RYR3: variants seen among roughly 807,000 people sequenced by gnomAD.
RYR3 encodes the protein ryanodine receptor 3, also known as brain ryanodine receptor-calcium release channel.
RYR3 carries 207 observed loss-of-function variants against 584.3 expected under a neutral mutation model. The ratio of observed to expected loss-of-function variants is 0.35; its 90% confidence interval spans 0.32 to 0.40. The LOEUF (loss-of-function observed/expected upper bound fraction) is 0.40. Among genes scored for constraint, RYR3 ranks in the 10% least tolerant of loss-of-function variants. The probability of loss-of-function intolerance (pLI) is 1.00; values close to 1 mark genes in which losing one functional copy is unlikely to be tolerated. For missense variants in RYR3, 5,616 were observed against 6,089.2 expected (o/e 0.92, Z 2.59); for synonymous variants, 2,416 against 2,248.5 (o/e 1.07, Z -2.11).
At chr15:33,810,946 C>T (rs1342561461) in intron 71 of RYR3, 32 bp from the exon 72 acceptor site, 1 of 1,578,342 alleles carries the variant, frequency 6.3e-7, no homozygotes, top group Non-Finnish European at 8.6e-7. Flanking sequence ...ATGGTGATCT[C>T]CGGGAATAAA....
intron 1 of RYR3, among the ~76,000 whole-genome samples, chr15:33,403,119 G>C (rs1357118065): frequency 6.6e-6 from 1 of 152,218 alleles, no homozygotes; most frequent in Admixed American, 6.5e-5. Flanking sequence ...TATTGGACAT[G>C]AGGAATCTTA....
intron 38 of RYR3, among the ~76,000 whole-genome samples, chr15:33,687,292 A>T (rs938008374): frequency 6.6e-6 from 1 of 152,250 alleles, no homozygotes; most frequent in Non-Finnish European, 1.5e-5. Flanking sequence ...CAGCCAAATC[A>T]TGAGTGAACT....
chr15:33,418,301 CT>C (rs1360799604), intron 1 of RYR3, among the ~76,000 whole-genome samples: 5 of 149,866 alleles, frequency 3.3e-5, no homozygotes, highest in South Asian at 4.3e-4. Flanking sequence ...GCAAATCCAT[CT>C]GGTCCAGGGC....
In RYR3 at chr15:33,813,490, G is replaced by A. The variant is rs1224148998; in HGVS notation, c.10413G>A (p.Lys3471=). ...AGGTGGAACAGCCTTTGAGGTCCAA[G>A]AAGGCCGTCTGGCACAAACTGTTAT... ...LEQVEQPLRS[K]KAVWHKLLSK... is the part of the protein sequence containing the mutation. Residue 3471 remains lysine, a synonymous_variant, in exon 74 of 104, where the codon AAG becomes AAA. Coordinates refer to ENST00000634891, the MANE Select transcript of RYR3 (RefSeq NM_001036.6). 28 of 1,613,784 alleles carry A rather than the reference G, an allele frequency of 1.7e-5. No individual in the cohort carries two copies. Among genetic ancestry groups the A allele is most frequent in the Non-Finnish European group, 2.3e-5 (27 of 1,179,892 alleles).
At chr15:33,561,711 G>A (rs1296318566) in intron 10 of RYR3, among the ~76,000 whole-genome samples, 1 of 121,650 alleles carries the variant, frequency 8.2e-6, no homozygotes, top group East Asian at 2.2e-4. Context: ...CCCTGTCTCT[G>A]CAAAACACAA....
chr15:33,574,543 T>C (rs2058196762), intron 12 of RYR3, among the ~76,000 whole-genome samples: 1 of 152,170 alleles, frequency 6.6e-6, no homozygotes. Context: ...GAATACACAC[T>C]GATGTGCCTC....
intron 4 of RYR3, 113 bp from the exon 5 acceptor site, chr15:33,533,198 G>GAGCTGTCTTCACAGT: frequency 1.5e-6 from 1 of 677,078 alleles, no homozygotes; most frequent in Non-Finnish European, 2.7e-6. Flanking sequence ...AAGATAAATA[G>GAGCTGTCTTCACAGT]AGCTGTCTTC....
chr15:33,587,447 T>C (rs1197280486), intron 16 of RYR3, among the ~76,000 whole-genome samples: 1 of 152,218 alleles, frequency 6.6e-6, no homozygotes, highest in Non-Finnish European at 1.5e-5. Flanking sequence ...CCAACTTTGT[T>C]GTGGCTTCTT....
At chr15:33,360,605 G>A (rs1166586693) in intron 1 of RYR3, among the ~76,000 whole-genome samples, 2 of 152,152 alleles carry the variant, frequency 1.3e-5, no homozygotes, top group Non-Finnish European at 2.9e-5. Context: ...TCTTCCTGAA[G>A]ACACACATTT....
rs571327048 is a variant in RYR3, at chr15:33,622,087, A to G, written c.2358-1720A>G. Among the ~76,000 whole-genome samples the G allele has an allele frequency of 4.6e-5, 7 of 152,300 alleles. No individual in the cohort carries two copies. The South Asian group carries it at 1.5e-3, about 32-fold the overall frequency. ...TCCAACCCACCATTATCTCCCTCTG[A>G]CTATTTCAAGAGTCTCCCAATTGGT... On this transcript the variant is annotated intron_variant, in intron 19 of 103. Coordinates refer to ENST00000634891, the MANE Select transcript of RYR3 (RefSeq NM_001036.6).
Position 33,311,136 on chromosome 15 carries a change from G to T in RYR3, c.51+40G>T. 6.8e-7 allele frequency: 1 copy of T among 1,480,220 alleles called. No homozygotes were observed. 91.7% of individuals were successfully genotyped at this position (1,480,220 alleles called of 1,614,324 possible). On this transcript the variant is annotated intron_variant, in intron 1 of 103. Coordinates refer to ENST00000634891, the MANE Select transcript of RYR3 (RefSeq NM_001036.6). This position sits in a 1 kb window ranked among gnomAD's most constrained non-coding sequence, Gnocchi z 4.4. ...CGGGGGCGAGGCCGTGGGCAGGTGG[G>T]GAGGAGCGCGGAGCGCGGCGAGGAG...
chr15:33,816,323 C>T (rs2076810227), intron 74 of RYR3, among the ~76,000 whole-genome samples: 1 of 152,188 alleles, frequency 6.6e-6, no homozygotes, highest in Admixed American at 6.5e-5. Context: ...GAAAATATGC[C>T]AACGACGTAA....
intron 3 of RYR3, among the ~76,000 whole-genome samples, chr15:33,519,805 C>G (rs925989426): frequency 4.3e-4 from 66 of 152,244 alleles, no homozygotes; most frequent in African/African-American, 1.6e-3. Context: ...AGCATCCGTT[C>G]TGTCTATCCC....
At chr15:33,742,501 T>C in intron 52 of RYR3, 57 bp downstream of exon 52, 1 of 1,118,744 alleles carries the variant, frequency 8.9e-7, no homozygotes, top group Non-Finnish European at 1.4e-6. Flanking sequence ...CCAAGAACAT[T>C]AAAGGGCCCA....
At chr15:33,540,056 G>C (rs1454477946) in intron 6 of RYR3, among the ~76,000 whole-genome samples, 1 of 152,106 alleles carries the variant, frequency 6.6e-6, no homozygotes, top group Non-Finnish European at 1.5e-5. Context: ...CTGCTGCCAC[G>C]TGATCATGGT....
At chr15:33,374,398 G>A (rs796476243) in intron 1 of RYR3, among the ~76,000 whole-genome samples, 2,839 of 130,354 alleles carry the variant, frequency 0.022, 60 homozygotes, top group African/African-American at 0.061. Flanking sequence ...GTGTGTGTGT[G>A]TATATATATC....
At chr15:33,563,646 C>G (rs1411479089) in intron 11 of RYR3, among the ~76,000 whole-genome samples, 1 of 152,042 alleles carries the variant, frequency 6.6e-6, no homozygotes, top group Non-Finnish European at 1.5e-5. Flanking sequence ...CCTGAAATAC[C>G]CTTATAAAAT....
At chr15:33,757,774 A>G (rs984296237) in intron 60 of RYR3, 178 bp downstream of exon 60, 6 of 666,818 alleles carry the variant, frequency 9.0e-6, no homozygotes, top group Admixed American at 5.6e-5. Context: ...TCAGCAACCA[A>G]TTGAGGTATA....
chr15:33,314,814 A>T (rs554347414), intron 1 of RYR3, among the ~76,000 whole-genome samples: 4 of 152,256 alleles, frequency 2.6e-5, no homozygotes, highest in Non-Finnish European at 4.4e-5. Flanking sequence ...CTCGGGAGGC[A>T]GAGGCGGGAG....
Sources: gnomAD v4.1 joint callset for allele counts (sites outside exome capture counted in the v4.1 genomes callset) on GRCh38, gnomAD v4.1.1 for gene constraint, Gnocchi (gnomAD v3.1) non-coding constraint, MANE v1.5 for transcripts, NCBI Gene and HGNC (gene_info 2026-07-23, HGNC 2026-07-21) for gene names.